Variants in DLGAP2 observed in about 807,000 individuals in gnomAD.
DLGAP2 encodes the protein DLG associated protein 2.
DLGAP2 carries 26 observed loss-of-function variants against 100.3 expected under a neutral mutation model. The observed-to-expected ratio is 0.26, with a 90% CI of 0.19 to 0.36. The LOEUF (loss-of-function observed/expected upper bound fraction) is 0.36, where lower values mean the gene tolerates loss of function less well. DLGAP2 is among the 10% of genes least tolerant of loss of function. The probability of loss-of-function intolerance (pLI) is 1.00; values close to 1 mark genes in which losing one functional copy is unlikely to be tolerated. For synonymous variants in DLGAP2, 886 were observed against 630.1 expected (o/e 1.41, Z -6.08); for missense variants, 1,858 against 1,453.2 (o/e 1.28, Z -4.53).
At chr8:1,493,411 G>A (rs970620299) in intron 3 of DLGAP2, among the ~76,000 whole-genome samples, 2 of 152,178 alleles carry the variant, frequency 1.3e-5, no homozygotes, top group South Asian at 4.1e-4. Flanking sequence ...CGAGCGCATA[G>A]ACCGCTGCCT....
At chr8:946,555 G>A (rs12542865) in intron 2 of DLGAP2, among the ~76,000 whole-genome samples, 34,536 of 152,116 alleles carry the variant, frequency 0.23, 4,049 homozygotes, top group East Asian at 0.31. Context: ...GAGCCACCGC[G>A]CCCGGCCCGT....
intron 2 of DLGAP2, among the ~76,000 whole-genome samples, chr8:1,056,898 C>T (rs774218725): frequency 6.6e-6 from 1 of 152,182 alleles, no homozygotes; most frequent in Non-Finnish European, 1.5e-5. Context: ...CCCCTTAATC[C>T]TCTACCTGCA....
At chr8:1,001,681 GC>G (rs141039412) in intron 2 of DLGAP2, among the ~76,000 whole-genome samples, 2,295 of 152,268 alleles carry the variant, frequency 0.015, 65 homozygotes, top group African/African-American at 0.053. Flanking sequence ...TATAGAAGTT[GC>G]CAAGTCCCAT....
intron 1 of DLGAP2, among the ~76,000 whole-genome samples, chr8:761,751 A>G (rs936935602): frequency 1.3e-5 from 2 of 152,166 alleles, no homozygotes; most frequent in African/African-American, 4.8e-5. Flanking sequence ...TCTATCCCTG[A>G]AATGAGTGCC....
intron 1 of DLGAP2, among the ~76,000 whole-genome samples, chr8:829,749 C>T (rs890853977): frequency 1.8e-4 from 27 of 152,226 alleles, no homozygotes; most frequent in African/African-American, 5.1e-4. Flanking sequence ...TTTCTATGTT[C>T]GTAGTCACAT....
chr8:1,020,750 C>T (rs906050041), intron 2 of DLGAP2, among the ~76,000 whole-genome samples: 1 of 152,190 alleles, frequency 6.6e-6, no homozygotes, highest in East Asian at 1.9e-4. Flanking sequence ...CAGGAGAATA[C>T]GCACAGAACC....
chr8:1,294,020 G>C (rs1800116028), intron 3 of DLGAP2, among the ~76,000 whole-genome samples: 1 of 152,186 alleles, frequency 6.6e-6, no homozygotes, highest in Non-Finnish European at 1.5e-5. Context: ...CGTGAAGGTG[G>C]CTCGCTGCCA....
At chr8:985,127 C>T (rs921857069) in intron 2 of DLGAP2, among the ~76,000 whole-genome samples, 6 of 152,152 alleles carry the variant, frequency 3.9e-5, no homozygotes, top group Admixed American at 6.5e-5. Flanking sequence ...CAGAGATCTT[C>T]GGGTATTTCC....
chr8:772,084 A>G (rs1821378638), intron 1 of DLGAP2, among the ~76,000 whole-genome samples: 1 of 151,922 alleles, frequency 6.6e-6, no homozygotes, highest in Non-Finnish European at 1.5e-5. Context: ...TATTTTTTGT[A>G]GAGACAAGGT....
At chr8:757,202 T>C (rs1820943472) in intron 1 of DLGAP2, among the ~76,000 whole-genome samples, 1 of 152,194 alleles carries the variant, frequency 6.6e-6, no homozygotes, top group Non-Finnish European at 1.5e-5. Context: ...CAAAAAATTC[T>C]TCCCTCCCCT....
intron 2 of DLGAP2, among the ~76,000 whole-genome samples, chr8:1,225,024 AAG>A (rs1288521132): frequency 2.0e-5 from 3 of 152,352 alleles, no homozygotes; most frequent in African/African-American, 7.2e-5. Flanking sequence ...CATTGTGGAA[AAG>A]AGTTTAAGTT....
intron 2 of DLGAP2, among the ~76,000 whole-genome samples, chr8:995,774 C>A (rs1800766842): frequency 6.6e-6 from 1 of 152,148 alleles, no homozygotes. Context: ...GAAGTGGTTG[C>A]CATAAATTAG....
chr8:1,099,209 C>T (rs1804499149), intron 2 of DLGAP2, among the ~76,000 whole-genome samples: 1 of 152,140 alleles, frequency 6.6e-6, no homozygotes, highest in Non-Finnish European at 1.5e-5. Context: ...AGATCCTCTC[C>T]GAATGCGTAG....
intron 1 of DLGAP2, among the ~76,000 whole-genome samples, chr8:876,713 T>C (rs1372699753): frequency 6.6e-6 from 1 of 152,230 alleles, no homozygotes; most frequent in Non-Finnish European, 1.5e-5. Context: ...TATTATTTTT[T>C]GCATATCTTT....
At chr8:1,240,386 C>G (rs145549326) in intron 2 of DLGAP2, among the ~76,000 whole-genome samples, 2,168 of 150,834 alleles carry the variant, frequency 0.014, 31 homozygotes, top group South Asian at 0.068. Flanking sequence ...GTGTCTGGTT[C>G]TCTCACATGG....
intron 2 of DLGAP2, among the ~76,000 whole-genome samples, chr8:1,083,618 G>A (rs1803879398): frequency 6.6e-6 from 1 of 152,174 alleles, no homozygotes; most frequent in African/African-American, 2.4e-5. Context: ...GTAGTGAAAT[G>A]TTGAGAAAAT....
intron 3 of DLGAP2, among the ~76,000 whole-genome samples, chr8:1,376,454 T>C (rs2129737912): frequency 6.6e-6 from 1 of 152,322 alleles, no homozygotes; most frequent in East Asian, 1.9e-4. Context: ...TGAATCAGCC[T>C]GGAAGCTGGG....
intron 1 of DLGAP2, among the ~76,000 whole-genome samples, chr8:848,314 A>C (rs1797109729): frequency 6.6e-6 from 1 of 152,078 alleles, no homozygotes; most frequent in Non-Finnish European, 1.5e-5. Context: ...TGCCTGTTCC[A>C]GTATAGGATC....
intron 1 of DLGAP2, among the ~76,000 whole-genome samples, chr8:853,590 C>A (rs1563064459): frequency 6.6e-6 from 1 of 152,120 alleles, no homozygotes; most frequent in Non-Finnish European, 1.5e-5. Flanking sequence ...ATGGTGGGAC[C>A]CCCCACGACA....
Sources: gnomAD v4.1 joint callset for allele counts (sites outside exome capture counted in the v4.1 genomes callset) on GRCh38, gnomAD v4.1.1 for gene constraint, MANE v1.5 for transcripts, NCBI Gene and HGNC (gene_info 2026-07-23, HGNC 2026-07-21) for gene names.